The following MGST1 variants were observed in gnomAD, a reference collection of about 807,000 sequenced individuals.
MGST1 encodes microsomal glutathione S-transferase 1.
MGST1 carries 5 observed loss-of-function variants against 8.9 expected under a neutral mutation model. The observed-to-expected ratio is 0.56, with a 90% CI of 0.29 to 1.19. The LOEUF (loss-of-function observed/expected upper bound fraction) is 1.19. Ranked by LOEUF, MGST1 falls within the 50% of genes most tolerant of loss-of-function variation. The pLI is 0.08. For missense variants in MGST1, 182 were observed against 187.4 expected (o/e 0.97, Z 0.17); for synonymous variants, 54 against 67.8 (o/e 0.80, Z 1.00).
At chr12:16,573,550 G>A (rs1443793275) in intron 4 of MGST1, 1 of 152,198 alleles carries the variant, frequency 6.6e-6, no homozygotes, top group African/African-American at 2.4e-5. Context: ...GCGATAAGGG[G>A]GGCAGTTAAA....
At chr12:16,523,453 C>T (rs1330128533) in intron 4 of MGST1, among the ~76,000 whole-genome samples, 9 of 152,124 alleles carry the variant, frequency 5.9e-5, no homozygotes, top group Non-Finnish European at 4.4e-5. Flanking sequence ...CACTCTCCTC[C>T]TACCTCTTCC....
rs537585777 is a variant in MGST1 at position 16,349,481 on chromosome 12, C to T, written c.-23+1771C>T. The stretch of plus-strand genomic sequence containing the variant: ...ATGGTGGGTAGCCCAGAGGTAAACA[C>T]TTGAGAAAACTAAGTTGCAGTCTTG... On this transcript the variant is annotated intron_variant, in intron 1 of 3. Transcript: ENST00000396210. Among the ~76,000 whole-genome samples the T allele has an allele frequency of 3.9e-4, 59 of 152,194 alleles. No individual in the cohort carries two copies. The Middle Eastern group carries it at 0.014, about 35-fold the overall frequency.
chr12:16,348,777 A>G (rs1939314275), intron 1 of MGST1: 1 of 143,302 alleles, frequency 7.0e-6, no homozygotes, highest in Non-Finnish European at 1.5e-5. Context: ...TAAGAGGGCT[A>G]TGTGTGCGAT....
intron 4 of MGST1, among the ~76,000 whole-genome samples, chr12:16,533,690 G>C (rs1451700869): frequency 6.7e-6 from 1 of 150,212 alleles, no homozygotes; most frequent in Non-Finnish European, 1.5e-5. Context: ...GATCCTAGAG[G>C]ACTTTTAAGG....
intron 4 of MGST1, among the ~76,000 whole-genome samples, chr12:16,557,501 A>T (rs1002055643): frequency 3.3e-5 from 5 of 151,996 alleles, no homozygotes; most frequent in African/African-American, 1.2e-4. Flanking sequence ...TGTACAGCAT[A>T]TGCCTTCAAA....
In MGST1 at chr12:16,482,142, TAAAG is replaced by T. The variant is rs1392038393; in HGVS notation, n.482+98540_482+98543del. 6.6e-6 allele frequency among the ~76,000 whole-genome samples: 1 copy of T among 151,836 alleles called. No homozygotes were observed. Among genetic ancestry groups the T allele is most frequent in the Non-Finnish European group, 1.5e-5 (1 of 67,938 alleles). ...TTTTACTTAAAACGCTGAAGGAAAA[TAAAG>T]ATATTTTCATGAAAACCAAAGCAAA... On this transcript the variant is annotated intron_variant and non_coding_transcript_variant, in intron 4 of 4. Transcript: ENST00000538857. This position sits in a 1 kb window ranked among gnomAD's most constrained non-coding sequence, Gnocchi z 4.2.
chr12:16,478,830 C>T (rs1423278797), intron 4 of MGST1, among the ~76,000 whole-genome samples: 7 of 152,022 alleles, frequency 4.6e-5, no homozygotes, highest in Non-Finnish European at 1.5e-5. Context: ...ATTCACATAA[C>T]ATAAAGTCAT....
chr12:16,400,925 T>C, intron 1 of MGST1: 1 of 1,288,048 alleles, frequency 7.8e-7, no homozygotes. Context: ...CTGAATCTCC[T>C]GTTCTCCCTT....
rs77365443 is a variant in MGST1 at position 16,534,438 on chromosome 12, G to C, written n.483-55090G>C. Among the ~76,000 whole-genome samples the C allele has an allele frequency of 5.3e-5, 8 of 152,218 alleles. No individual in the cohort carries two copies. In the East Asian group the frequency reaches 1.5e-3, roughly 29 times the overall value. On this transcript the variant is annotated intron_variant and non_coding_transcript_variant, in intron 4 of 4. Coordinates refer to the MGST1 transcript ENST00000538857. ...ATCACTGGCTGGATTCCCACCACTA[G>C]GTGCATTTCTAATGTGCTTTTCATT...
rs1565439418 is a variant in MGST1, at chr12:16,364,320, C to T, written c.*279C>T. The stretch of plus-strand genomic sequence containing the variant: ...GATTTGTAACATTCACACAACACCT[C>T]ACTTTTGAATCTATAAAAGAATTGC... On this transcript the variant is annotated 3_prime_UTR_variant, in exon 4 of 4. Coordinates refer to ENST00000396210, the MANE Select transcript of MGST1 (RefSeq NM_020300.5). The surrounding 1 kb of genome is among the most constrained non-coding windows in gnomAD (Gnocchi z 5.7). 14 of 1,079,854 alleles carry T rather than the reference C, an allele frequency of 1.3e-5. No individual in the cohort carries two copies. The highest frequency in any genetic ancestry group is 1.6e-5 in the Non-Finnish European group (14 of 890,370). The allele number at this position is 1,079,854 out of a possible 1,614,324, so 66.9% of individuals were successfully genotyped here. A position where few individuals can be genotyped will look rare whatever the true frequency, so the allele number is the denominator to read the frequency against.
chr12:16,379,317 A>G (rs1234996817), downstream of MGST1, among the ~76,000 whole-genome samples: 2 of 152,118 alleles, frequency 1.3e-5, no homozygotes, highest in Non-Finnish European at 2.9e-5. Flanking sequence ...TTTGAGATAC[A>G]TCCCATCAAT....
intron 4 of MGST1, among the ~76,000 whole-genome samples, chr12:16,516,748 C>T (rs1215684724): frequency 1.3e-5 from 2 of 152,176 alleles, no homozygotes; most frequent in South Asian, 2.1e-4. Flanking sequence ...GAAATGACCT[C>T]CCTGAGCTAA....
intron 4 of MGST1, among the ~76,000 whole-genome samples, chr12:16,481,253 T>C (rs913801817): frequency 3.3e-5 from 5 of 152,196 alleles, no homozygotes; most frequent in Non-Finnish European, 5.9e-5. Context: ...AGCCAAGATA[T>C]GCAATTAAGG....
rs1941833681 is a variant in MGST1 at position 16,547,160 on chromosome 12, T to G, written n.483-42368T>G. Among the ~76,000 whole-genome samples, 1 of 152,166 alleles carries G rather than the reference T, an allele frequency of 6.6e-6. No individual in the cohort carries two copies. The highest frequency in any genetic ancestry group is 2.1e-4 in the South Asian group (1 of 4,832). ...AAGGTTTTATAAACCCTAGGCATTC[T>G]GAAATCTTCGTTTATGATACTAATC... On this transcript the variant is annotated intron_variant and non_coding_transcript_variant, in intron 4 of 4. Transcript: ENST00000538857. The surrounding 1 kb of genome is among the most constrained non-coding windows in gnomAD (Gnocchi z 4.6).
intron 4 of MGST1, among the ~76,000 whole-genome samples, chr12:16,490,395 A>G (rs1371329846): frequency 6.6e-6 from 1 of 152,224 alleles, no homozygotes; most frequent in African/African-American, 2.4e-5. Context: ...AAGAAATGCA[A>G]TAGAGCTAAG....
At chr12:16,394,438 C>T (rs1388076459) in intron 1 of MGST1, among the ~76,000 whole-genome samples, 3 of 151,010 alleles carry the variant, frequency 2.0e-5, no homozygotes, top group Non-Finnish European at 4.4e-5. Flanking sequence ...CCCTCCCTCC[C>T]TCTCTCTTTC....
chr12:16,425,235 A>G (rs1483687317), intron 1 of MGST1, among the ~76,000 whole-genome samples: 1 of 152,192 alleles, frequency 6.6e-6, no homozygotes, highest in African/African-American at 2.4e-5. Flanking sequence ...TAAAATAGCC[A>G]TAATATCCAT....
chr12:16,353,030 T>C (rs1258413800), intron 1 of MGST1, among the ~76,000 whole-genome samples: 1 of 152,064 alleles, frequency 6.6e-6, no homozygotes, highest in Non-Finnish European at 1.5e-5. Flanking sequence ...TATTACTATT[T>C]CAATTTTTTT....
Position 16,361,256 on chromosome 12 carries a change from A to T in MGST1, c.222-2539A>T, listed in dbSNP as rs2287152. Among the ~76,000 whole-genome samples, 37,931 of 152,002 alleles carry T rather than the reference A, an allele frequency of 0.25. 5,111 individuals are homozygous for T. The highest frequency in any genetic ancestry group is 0.3 in the Non-Finnish European group (20,666 of 67,964). On this transcript the variant is annotated intron_variant, in intron 3 of 3. Coordinates refer to ENST00000396210, the MANE Select transcript of MGST1 (RefSeq NM_020300.5). This position sits in a 1 kb window ranked among gnomAD's most constrained non-coding sequence, Gnocchi z 4.2. ...TGTGCAGCTCCTTTTGTAGTTGTTC[A>T]CAGCCTGACAATCCCCAGAAGCATG...
Sources: allele counts gnomAD v4.1 joint callset (sites outside exome capture counted in the v4.1 genomes callset), GRCh38; gene constraint gnomAD v4.1.1; non-coding constraint Gnocchi (gnomAD v3.1); transcripts MANE v1.5; gene names NCBI Gene and HGNC (gene_info 2026-07-23, HGNC 2026-07-21).